CA5A: variants seen among roughly 807,000 people sequenced by gnomAD.
CA5A encodes carbonic anhydrase 5A, also known as carbonic anhydrase 5A, mitochondrial.
CA5A carries 28 observed loss-of-function variants against 37.1 expected under a neutral mutation model. The ratio of observed to expected loss-of-function variants is 0.75; its 90% confidence interval spans 0.56 to 1.03. The LOEUF (loss-of-function observed/expected upper bound fraction) is 1.03. CA5A is among the 50% of genes least tolerant of loss of function. The pLI is 0.00. For synonymous variants in CA5A, 171 were observed against 158.4 expected (o/e 1.08, Z -0.60); for missense variants, 444 against 399.9 (o/e 1.11, Z -0.94).
chr16:87,919,252 G>A (rs1043844522), intron 2 of CA5A, among the ~76,000 whole-genome samples: 18 of 152,330 alleles, frequency 1.2e-4, no homozygotes, highest in African/African-American at 2.6e-4. Flanking sequence ...CATGGCCAGG[G>A]TGCACGTCCA....
chr16:87,904,818 G>C lies in CA5A; in HGVS notation c.427C>G (p.His143Asp), dbSNP rs1407821429. 15 of 1,612,172 alleles carry C rather than the reference G, an allele frequency of 9.3e-6. No homozygotes were observed. Among genetic ancestry groups the C allele is most frequent in the African/African-American group, 1.3e-5 (1 of 74,878 alleles). The stretch of plus-strand genomic sequence containing the variant: ...GGGTACGCGTGGCCGTCCACTGTGT[G>C]CTCTGAGCCCCCCTCGTTCACTGCT... The part of the protein sequence containing the change: ...WGAVNEGGSE[H>D]TVDGHAYPAE... The change falls in exon 3 of 7, where the codon CAC (histidine) becomes GAC (aspartate). Residue 143 changes from histidine to aspartate, a missense_variant. Coordinates refer to ENST00000649794, the MANE Select transcript of CA5A (RefSeq NM_001739.2).
intron 2 of CA5A, among the ~76,000 whole-genome samples, chr16:87,913,923 C>T (rs1024631826): frequency 3.3e-5 from 5 of 152,308 alleles, no homozygotes; most frequent in East Asian, 1.9e-4. Context: ...ACGTCTACCA[C>T]GAGGAAGCGT....
chr16:87,931,589 C>G (rs1277729563), intron 1 of CA5A, among the ~76,000 whole-genome samples: 2 of 152,360 alleles, frequency 1.3e-5, no homozygotes, highest in East Asian at 3.9e-4. Context: ...AGAATCACAG[C>G]AGCTTTGCTG....
chr16:87,922,248 C>G (rs888577485), intron 2 of CA5A, among the ~76,000 whole-genome samples: 1 of 152,096 alleles, frequency 6.6e-6, no homozygotes, highest in Non-Finnish European at 1.5e-5. Context: ...ATAATATCCT[C>G]GCTAGGACCA....
At position 87,920,237 on chromosome 16, in the gene CA5A, A is replaced by T. The variant is rs2144039344; in HGVS notation, c.340+6511T>A. Among the ~76,000 whole-genome samples the T allele has an allele frequency of 2.0e-5, 3 of 152,330 alleles. 1 individual carries two copies. The Middle Eastern group carries it at 0.01, about 522-fold the overall frequency. On this transcript the variant is annotated intron_variant, in intron 2 of 6. Coordinates refer to ENST00000649794, the MANE Select transcript of CA5A (RefSeq NM_001739.2). ...ATTTGAGCACGCAGTAAAAGGATGG[A>T]AACTGATGATCCTCCTGCTCCCTCC...
In CA5A at chr16:87,923,883, A is replaced by G. The variant is rs913858822; in HGVS notation, c.340+2865T>C. ...TCAAAATTACTAATACATTCACACAAATATTAACCCAAACAATTAAAAGTT... is the reference window on the plus strand; with the variant it reads ...TCAAAATTACTAATACATTCACACAGATATTAACCCAAACAATTAAAAGTT... On this transcript the variant is annotated intron_variant, in intron 2 of 6. Transcript: ENST00000649794. 5 of 984,672 alleles carry G rather than the reference A, an allele frequency of 5.1e-6. No individual in the cohort carries two copies. The African/African-American group carries it at 7.0e-5, about 14-fold the overall frequency. The allele number at this position is 984,672 out of a possible 1,614,324, so 61.0% of individuals were successfully genotyped here.
chr16:87,929,016 G>A (rs1250819536), intron 1 of CA5A, among the ~76,000 whole-genome samples: 3 of 149,748 alleles, frequency 2.0e-5, no homozygotes, highest in Admixed American at 6.6e-5. Context: ...TGATCCACCC[G>A]CCTCGGCCTC....
intron 5 of CA5A, among the ~76,000 whole-genome samples, chr16:87,897,648 T>G (rs2055823727): frequency 6.6e-6 from 1 of 152,234 alleles, no homozygotes; most frequent in South Asian, 2.1e-4. Flanking sequence ...CAGCCTGGGT[T>G]CTGACTGCAT....
At chr16:87,914,138 T>C (rs1237466996) in intron 2 of CA5A, among the ~76,000 whole-genome samples, 6 of 152,234 alleles carry the variant, frequency 3.9e-5, no homozygotes, top group Admixed American at 3.3e-4. Context: ...GAGAGAAAAC[T>C]GCAGCCATGT....
intron 2 of CA5A, among the ~76,000 whole-genome samples, chr16:87,907,928 AAAAC>A (rs561020488): frequency 1.5e-4 from 23 of 152,330 alleles, no homozygotes; most frequent in East Asian, 1.2e-3. Flanking sequence ...CTCCGTCTCA[AAAAC>A]AAACAAACAA....
At chr16:87,904,734 C>G in intron 3 of CA5A, 52 bp downstream of exon 3, 1 of 1,122,734 alleles carries the variant, frequency 8.9e-7, no homozygotes, top group Non-Finnish European at 1.4e-6. Context: ...CACCATAGAG[C>G]CGGAGACATG....
chr16:87,924,369 A>C, intron 2 of CA5A: 3 of 960,246 alleles, frequency 3.1e-6, no homozygotes, highest in Non-Finnish European at 3.7e-6. Context: ...TGGAAGGACC[A>C]AGCCGTGGTG....
chr16:87,889,110 G>C (rs147776854), intron 6 of CA5A, among the ~76,000 whole-genome samples: 1,997 of 151,928 alleles, frequency 0.013, 21 homozygotes, highest in Non-Finnish European at 0.02. Flanking sequence ...GTAGAGATGG[G>C]GTTTCTCCAT....
chr16:87,890,907 G>A (rs184426932), intron 6 of CA5A, among the ~76,000 whole-genome samples: 138 of 151,288 alleles, frequency 9.1e-4, no homozygotes, highest in Middle Eastern at 6.8e-3. Context: ...TTATTCTCTT[G>A]CCCCAGCCTC....
chr16:87,925,353 T>A (rs1485679684), intron 2 of CA5A, among the ~76,000 whole-genome samples: 1 of 151,816 alleles, frequency 6.6e-6, no homozygotes, highest in African/African-American at 2.4e-5. Context: ...GCTTCTGGAG[T>A]CCTCACCAGG....
downstream of CA5A, chr16:87,887,091 CG>C (rs1324614474): frequency 2.0e-5 from 3 of 151,760 alleles, no homozygotes; most frequent in Non-Finnish European, 4.4e-5. Context: ...TTAGCAGAGA[CG>C]GGGTTTCGCC....
chr16:87,925,793 A>G (rs986638971), intron 2 of CA5A, among the ~76,000 whole-genome samples: 1 of 152,114 alleles, frequency 6.6e-6, no homozygotes, highest in Non-Finnish European at 1.5e-5. Flanking sequence ...GGACCTCTCA[A>G]GTCACCTCCC....
intron 1 of CA5A, among the ~76,000 whole-genome samples, chr16:87,929,131 A>G (rs1294704178): frequency 6.6e-6 from 1 of 150,496 alleles, no homozygotes; most frequent in Non-Finnish European, 1.5e-5. Flanking sequence ...GGTGCATCCA[A>G]CAGAAGTCTA....
intron 3 of CA5A, among the ~76,000 whole-genome samples, chr16:87,903,446 G>A (rs1303228344): frequency 6.6e-6 from 1 of 152,076 alleles, no homozygotes; most frequent in Admixed American, 6.6e-5. Flanking sequence ...CTCAAAAACA[G>A]ATAAATAAAT....
Sources: allele counts gnomAD v4.1 joint callset (sites outside exome capture counted in the v4.1 genomes callset), GRCh38; gene constraint gnomAD v4.1.1; transcripts MANE v1.5; gene names NCBI Gene and HGNC (gene_info 2026-07-23, HGNC 2026-07-21).